The following ZNF496 variants were observed in gnomAD, a reference collection of about 807,000 sequenced individuals.
ZNF496 encodes the protein NSD1 (nuclear receptor binding SET-domain containing 1)-interacting zinc finger protein 1.
In ZNF496, 11 loss-of-function variants were observed where a neutral mutation model predicts 58.9. The observed-to-expected ratio is 0.19, with a 90% CI of 0.12 to 0.31. ZNF496 has a LOEUF of 0.31. ZNF496 is among the 10% of genes least tolerant of loss of function. ZNF496 has a pLI of 1.00. For missense variants in ZNF496, 660 were observed against 783.0 expected, an observed-to-expected ratio of 0.84 and a Z score of 1.88; for synonymous variants, 338 against 318.2, an observed-to-expected ratio of 1.06 and a Z score of -0.66.
Position 247,309,709 on chromosome 1 carries a change from G to A in ZNF496, c.882C>T (p.Val294=). 2 of 1,614,146 alleles carry A rather than the reference G, an allele frequency of 1.2e-6. No individual in the cohort carries two copies. Among genetic ancestry groups the A allele is most frequent in the Non-Finnish European group, 1.7e-6 (2 of 1,180,022 alleles). Residue 294 remains valine, a synonymous_variant, in exon 8 of 10, where the codon GTC becomes GTT. Transcript: ENST00000682384. This position sits in a 1 kb window ranked among gnomAD's most constrained non-coding sequence, Gnocchi z 4.3. The stretch of plus-strand genomic sequence containing the variant: ...GGAATCATTACTCACCCAAGTAGGA[G>A]ACCTGGGGCACTTCTTTGCCCTGGA... ...QDLQGKEVPQ[V]SYLDSPSLQP...
At chr1:247,305,938 A>T (rs1385516275) in intron 9 of ZNF496, among the ~76,000 whole-genome samples, 1 of 152,228 alleles carries the variant, frequency 6.6e-6, no homozygotes, top group Non-Finnish European at 1.5e-5. Context: ...AAACAAAACA[A>T]AACATTTATA....
rs373368822 is a variant in ZNF496, at chr1:247,310,333, T to C, written c.775A>G (p.Met259Val). ...GGAAGTTAAGTCTTACTTGGAGGCA[T>C]TGAGACCCCGTAATCCTCCCCAATG... Reference protein sequence around the residue: ...FIIGEDYGVSMPPNDLAAQPD... With the variant: ...FIIGEDYGVSVPPNDLAAQPD... Residue 259 changes from methionine to valine, a missense_variant, in exon 7 of 10, where the codon ATG becomes GTG. By Grantham distance (21) the Met-to-Val change is conservative. Coordinates refer to ENST00000682384, the MANE Select transcript of ZNF496 (RefSeq NM_032752.3). The C allele has an allele frequency of 1.2e-5, 19 of 1,614,060 alleles. No homozygotes were observed. The African/African-American group carries it at 2.1e-4, about 18-fold the overall frequency.
Position 247,328,747 on chromosome 1 carries a change from G to A in ZNF496, c.510C>T (p.Pro170=), listed in dbSNP as rs757536803. The A allele has an allele frequency of 2.5e-6, 4 of 1,613,604 alleles. No individual in the cohort carries two copies. In the Admixed American group the frequency reaches 5.0e-5, roughly 20 times the overall value. ...SDLAKNQDAQ[P]ITLAQCLGLP... ...GCCCCAGGCACTGTGCCAGGGTTATGGGCTGGGCATCCTGGTTCTTTGCAA... is the reference window on the plus strand; with the variant it reads ...GCCCCAGGCACTGTGCCAGGGTTATAGGCTGGGCATCCTGGTTCTTTGCAA... The change falls in exon 5 of 10, where the codon CCC becomes CCT. Residue 170 remains proline, a synonymous_variant. Coordinates refer to ENST00000682384, the MANE Select transcript of ZNF496 (RefSeq NM_032752.3).
At chr1:247,310,597 G>T in intron 6 of ZNF496, 141 bp from the exon 7 acceptor site, 2 of 1,132,984 alleles carry the variant, frequency 1.8e-6, no homozygotes, top group Non-Finnish European at 2.5e-6. Context: ...CAGTTCTGGA[G>T]GCTGGACGTC....
At position 247,300,661 on chromosome 1, in the gene ZNF496, C is replaced by A; in HGVS notation, c.1622G>T (p.Arg541Leu). 1 of 1,613,988 alleles carries A rather than the reference C, an allele frequency of 6.2e-7. No individual in the cohort carries two copies. Among genetic ancestry groups the A allele is most frequent in the Middle Eastern group, 1.6e-4 (1 of 6,062 alleles). The change falls in exon 10 of 10, where the codon CGC becomes CTC. Residue 541 changes from arginine (R) to leucine (L), a missense_variant. Transcript: ENST00000682384. The surrounding 1 kb of genome is among the most constrained non-coding windows in gnomAD (Gnocchi z 5.7). ...FQRHDHLARHRSHFHLKDKAR... is the reference protein window; with the variant it reads ...FQRHDHLARHLSHFHLKDKAR... ...TTTGTCCTTCAGGTGAAAGTGGCTG[C>A]GGTGCCGAGCCAGGTGGTCGTGCCG...
intron 2 of ZNF496, among the ~76,000 whole-genome samples, chr1:247,330,813 C>T (rs987760157): frequency 1.3e-5 from 2 of 152,246 alleles, no homozygotes; most frequent in Admixed American, 1.3e-4. Context: ...GGGACTCGGG[C>T]CTCACTCCCA....
intron 5 of ZNF496, among the ~76,000 whole-genome samples, chr1:247,326,099 T>C (rs575495125): frequency 7.5e-5 from 11 of 146,314 alleles, no homozygotes; most frequent in Admixed American, 3.4e-4. Context: ...TACACACACA[T>C]ATATATACAC....
In ZNF496 at chr1:247,329,454, C is replaced by G. The variant is rs377235640; in HGVS notation, c.125G>C (p.Arg42Pro). The change falls in exon 4 of 10, where the codon CGG becomes CCG. Residue 42 changes from arginine to proline, a missense_variant. Coordinates refer to ENST00000682384, the MANE Select transcript of ZNF496 (RefSeq NM_032752.3). This position sits in a 1 kb window ranked among gnomAD's most constrained non-coding sequence, Gnocchi z 5.5. ...GTAGCGGAAACGGCGGAAGAGACGC[C>G]GAGAGGACTCGGGGCTGGGAAGCTC... Reference protein sequence around the residue: ...QGELPSPESSRRLFRRFRYQE... With the variant: ...QGELPSPESSPRLFRRFRYQE... 1 of 1,612,290 alleles carries G rather than the reference C, an allele frequency of 6.2e-7. No individual in the cohort carries two copies. The highest frequency in any genetic ancestry group is 1.7e-5 in the Admixed American group (1 of 59,756).
At chr1:247,328,961 G>T (rs1660227338) in intron 4 of ZNF496, 95 bp from the exon 5 acceptor site, 2 of 1,467,906 alleles carry the variant, frequency 1.4e-6, no homozygotes, top group East Asian at 2.3e-5. Flanking sequence ...ACCATCAAAG[G>T]CTCAACTTAG....
At chr1:247,311,608 C>T (rs1418968456) in intron 6 of ZNF496, 1 of 152,204 alleles carries the variant, frequency 6.6e-6, no homozygotes, top group African/African-American at 2.4e-5. Flanking sequence ...GAATAATCTG[C>T]AGAATAATCC....
At chr1:247,328,455 T>C (rs1355136561) in intron 5 of ZNF496, among the ~76,000 whole-genome samples, 2 of 152,190 alleles carry the variant, frequency 1.3e-5, no homozygotes, top group Non-Finnish European at 2.9e-5. Context: ...ACAGAAGCGT[T>C]AGCTCTGAGA....
At chr1:247,326,651 G>C (rs1442744778) in intron 5 of ZNF496, among the ~76,000 whole-genome samples, 2 of 152,166 alleles carry the variant, frequency 1.3e-5, no homozygotes, top group African/African-American at 4.8e-5. Context: ...TACAGGCTAA[G>C]TTATGGCCCT....
At chr1:247,326,049 TAC>T (rs141893407) in intron 5 of ZNF496, among the ~76,000 whole-genome samples, 33,496 of 95,228 alleles carry the variant, frequency 0.35, 4,065 homozygotes, top group Non-Finnish European at 0.37. Flanking sequence ...TATATATATA[TAC>T]ACACACACAC....
rs760348709 is a variant in ZNF496, at chr1:247,329,192, C to T, written c.387G>A (p.Gln129=). The part of the protein sequence containing the change: ...ALEREPGRPW[Q]WLKHCEDPVV... Reference sequence around the variant, plus strand: ...CAGCCCCACCTCTTCTACTCACCCACTGCCAGGGTCTCCCGGGCTCCCGTT... The same window carrying T: ...CAGCCCCACCTCTTCTACTCACCCATTGCCAGGGTCTCCCGGGCTCCCGTT... The change falls in exon 4 of 10, where the codon CAG becomes CAA. Residue 129 remains glutamine, a synonymous_variant. Transcript: ENST00000682384. This position sits in a 1 kb window ranked among gnomAD's most constrained non-coding sequence, Gnocchi z 5.5. 11 of 1,613,354 alleles carry T rather than the reference C, an allele frequency of 6.8e-6. No individual in the cohort carries two copies. Among genetic ancestry groups the T allele is most frequent in the Non-Finnish European group, 1.7e-6 (2 of 1,180,034 alleles).
chr1:247,312,616 A>C (rs1337612361), intron 6 of ZNF496: 1 of 151,918 alleles, frequency 6.6e-6, no homozygotes, highest in Non-Finnish European at 1.5e-5. Context: ...AAATACAAAA[A>C]TTAGCCAGGT....
intron 5 of ZNF496, among the ~76,000 whole-genome samples, chr1:247,327,369 C>T (rs1487031657): frequency 6.6e-6 from 1 of 152,164 alleles, no homozygotes; most frequent in Non-Finnish European, 1.5e-5. Flanking sequence ...CAACCCCTAG[C>T]TCCTTCTAAA....
chr1:247,322,834 C>CT, intron 6 of ZNF496: 1 of 1,294,988 alleles, frequency 7.7e-7, no homozygotes, highest in Non-Finnish European at 1.0e-6. Context: ...GAGAGATCTC[C>CT]TTTTTCACAA....
chr1:247,307,016 AAAAT>A (rs1219546392), intron 9 of ZNF496: 13 of 895,338 alleles, frequency 1.5e-5, no homozygotes, highest in African/African-American at 1.8e-5. Flanking sequence ...TATGAGTGCA[AAAAT>A]AAATAAATAA....
rs1447553209 is a variant in ZNF496 at position 247,329,452 on chromosome 1, G to A, written c.127C>T (p.Arg43Cys). Residue 43 changes from arginine to cysteine, a missense_variant, in exon 4 of 10, where the codon CGT becomes TGT. Physicochemically the swap from Arg to Cys is radical, Grantham distance 180 (BLOSUM62 -3). Coordinates refer to ENST00000682384, the MANE Select transcript of ZNF496 (RefSeq NM_032752.3). The surrounding 1 kb of genome is among the most constrained non-coding windows in gnomAD (Gnocchi z 5.5). ...GELPSPESSRRLFRRFRYQEA... is the reference protein window; with the variant it reads ...GELPSPESSRCLFRRFRYQEA... ...TGGTAGCGGAAACGGCGGAAGAGAC[G>A]CCGAGAGGACTCGGGGCTGGGAAGC... is the stretch of plus-strand genomic sequence containing the variant. 5.0e-6 allele frequency: 8 copies of A among 1,612,368 alleles called. No homozygotes were observed. Among genetic ancestry groups the A allele is most frequent in the Admixed American group, 1.7e-5 (1 of 59,740 alleles).
Sources: gnomAD v4.1 joint callset for allele counts (sites outside exome capture counted in the v4.1 genomes callset) on GRCh38, gnomAD v4.1.1 for gene constraint, Gnocchi (gnomAD v3.1) non-coding constraint, MANE v1.5 for transcripts, NCBI Gene and HGNC (gene_info 2026-07-23, HGNC 2026-07-21) for gene names.